TBC1D32: variants seen among roughly 807,000 people sequenced by gnomAD.
TBC1D32 encodes protein broad-minded.
Under a neutral mutation model 170.3 loss-of-function variants are expected in TBC1D32, and 151 were observed. The ratio of observed to expected loss-of-function variants is 0.89; its 90% CI spans 0.78 to 1.01. TBC1D32 has a LOEUF of 1.01. Ranked by LOEUF, TBC1D32 falls within the 50% of genes least tolerant of loss-of-function variation. The probability of loss-of-function intolerance (pLI) is 0.00; values close to 1 mark genes in which losing one functional copy is unlikely to be tolerated. For missense variants in TBC1D32, 1,464 were observed against 1,457.1 expected (o/e 1.00, Z -0.08); for synonymous variants, 498 against 488.0 (o/e 1.02, Z -0.27).
chr6:121,147,219 A>G (rs755593116), intron 24 of TBC1D32, among the ~76,000 whole-genome samples: 95 of 152,188 alleles, frequency 6.2e-4, no homozygotes, highest in African/African-American at 1.9e-3. Flanking sequence ...TCCAATCCAC[A>G]ATTGTTGGGC....
rs1783626400 is a variant in TBC1D32, at chr6:121,147,580, T to A, written c.2773+12430A>T. Among the ~76,000 whole-genome samples the A allele has an allele frequency of 2.6e-5, 4 of 151,874 alleles. 1 individual carries two copies. In the South Asian group the frequency reaches 8.3e-4, roughly 32 times the overall value. ...TGATGATTAGTGATGGTGAGCATTT[T>A]TAATATTTTTTTATTTTTTTATTTT... On this transcript the variant is annotated intron_variant, in intron 24 of 31. Transcript: ENST00000398212.
chr6:121,182,403 C>A (rs1788648581), intron 22 of TBC1D32, among the ~76,000 whole-genome samples: 2 of 151,826 alleles, frequency 1.3e-5, no homozygotes, highest in Non-Finnish European at 2.9e-5. Flanking sequence ...AACAAATGAA[C>A]AAACTCAGAA....
intron 15 of TBC1D32, among the ~76,000 whole-genome samples, 176 bp downstream of exon 15, chr6:121,278,945 G>A (rs946095685): frequency 2.0e-5 from 3 of 152,130 alleles, no homozygotes; most frequent in East Asian, 3.9e-4. Flanking sequence ...GAAACCCATC[G>A]AGAGTGAACT....
intron 26 of TBC1D32, among the ~76,000 whole-genome samples, chr6:121,125,520 C>G (rs778771864): frequency 2.6e-5 from 4 of 151,870 alleles, no homozygotes; most frequent in Non-Finnish European, 4.4e-5. Context: ...TGTAAGCCAG[C>G]AGGTCTCTGC....
At chr6:121,131,236 T>C (rs1261975253) in intron 25 of TBC1D32, among the ~76,000 whole-genome samples, 2 of 151,906 alleles carry the variant, frequency 1.3e-5, no homozygotes, top group African/African-American at 4.8e-5. Context: ...AAAATTTCCT[T>C]AGGAGTCACT....
intron 26 of TBC1D32, among the ~76,000 whole-genome samples, chr6:121,123,772 A>T (rs1780531018): frequency 6.6e-6 from 1 of 151,898 alleles, no homozygotes; most frequent in African/African-American, 2.4e-5. Context: ...CTTGTTTACT[A>T]GTTATTGTGT....
At chr6:121,302,204 A>T (rs1806594710) in intron 9 of TBC1D32, among the ~76,000 whole-genome samples, 1 of 152,182 alleles carries the variant, frequency 6.6e-6, no homozygotes, top group South Asian at 2.1e-4. Context: ...TTTGCAAAAA[A>T]AATTCACTGG....
rs1249249398 is a variant in TBC1D32 at position 121,241,557 on chromosome 6, C to T, written c.2158-5G>A. ...AAATTTTTTATGCCTGCTGACCTAA[C>T]AGCATAAATAAGGAACAGCAATGAA... On this transcript the variant is annotated splice_region_variant and splice_polypyrimidine_tract_variant and intron_variant, in intron 18 of 31. Transcript: ENST00000398212. The T allele has an allele frequency of 6.2e-7, 1 of 1,612,040 alleles. No individual in the cohort carries two copies. The highest frequency in any genetic ancestry group is 2.2e-5 in the East Asian group (1 of 44,776).
intron 17 of TBC1D32, among the ~76,000 whole-genome samples, chr6:121,252,593 G>A (rs58729190): frequency 0.19 from 28,873 of 152,004 alleles, 5,552 homozygotes; most frequent in African/African-American, 0.5. Context: ...AGGGGAGGGA[G>A]AGCATTAGGA....
chr6:121,292,809 T>G (rs1805066962), intron 11 of TBC1D32, among the ~76,000 whole-genome samples: 1 of 152,300 alleles, frequency 6.6e-6, no homozygotes, highest in Middle Eastern at 3.4e-3. Flanking sequence ...AAAGTTCTAT[T>G]TTTCTTAGTG....
intron 3 of TBC1D32, 88 bp from the exon 4 acceptor site, chr6:121,310,935 C>T: frequency 1.3e-6 from 1 of 773,616 alleles, no homozygotes; most frequent in Non-Finnish European, 2.2e-6. Context: ...ATTCCAAGCA[C>T]AAAACACAAT....
chr6:121,256,824 C>G (rs1468867556), intron 15 of TBC1D32, among the ~76,000 whole-genome samples: 2 of 151,934 alleles, frequency 1.3e-5, no homozygotes, highest in Non-Finnish European at 2.9e-5. Context: ...GGCATGCTAC[C>G]ATGCCTGGCT....
intron 12 of TBC1D32, among the ~76,000 whole-genome samples, chr6:121,288,535 C>G (rs1163589611): frequency 6.6e-6 from 1 of 152,056 alleles, no homozygotes; most frequent in African/African-American, 2.4e-5. Context: ...AAAAAAAGTC[C>G]AGGACCAGAT....
intron 22 of TBC1D32, among the ~76,000 whole-genome samples, chr6:121,173,993 C>T (rs1458123077): frequency 6.6e-6 from 1 of 150,734 alleles, no homozygotes. Flanking sequence ...ACTGTGAACA[C>T]ACAATTTTCT....
Position 121,080,587 on chromosome 6 carries a change from C to T in TBC1D32, c.*184G>A. On this transcript the variant is annotated 3_prime_UTR_variant, in exon 32 of 32. Transcript: ENST00000398212. ...ATTCTATAATAACCTTACAAAACAA[C>T]AAATTTACAAAAATGAATTCACAAA... 1 of 724,458 alleles carries T rather than the reference C, an allele frequency of 1.4e-6. No individual in the cohort carries two copies. Among genetic ancestry groups the T allele is most frequent in the Middle Eastern group, 2.6e-4 (1 of 3,808 alleles). The allele number at this position is 724,458 out of a possible 1,614,324, so 44.9% of individuals were successfully genotyped here.
intron 12 of TBC1D32, 106 bp from the exon 13 acceptor site, chr6:121,284,016 A>G: frequency 1.3e-6 from 1 of 754,030 alleles, no homozygotes; most frequent in South Asian, 1.7e-5. Context: ...TTTTGTACAG[A>G]CTACGAGGCA....
At chr6:121,098,747 T>C (rs1777699137) in intron 30 of TBC1D32, among the ~76,000 whole-genome samples, 1 of 151,958 alleles carries the variant, frequency 6.6e-6, no homozygotes, top group Non-Finnish European at 1.5e-5. Context: ...ACAAAGTGTG[T>C]ACAAAGCAGT....
At chr6:121,204,388 C>T (rs1791963789) in intron 22 of TBC1D32, among the ~76,000 whole-genome samples, 1 of 150,890 alleles carries the variant, frequency 6.6e-6, no homozygotes, top group Non-Finnish European at 1.5e-5. Context: ...TCATTGATCT[C>T]CCTCAAGTCT....
chr6:121,307,965 C>G lies in TBC1D32; in HGVS notation c.690+11G>C. ...AAATTATTTTTAATATTTCTATAAC[C>G]ATTTTCTTACACTAAACACAGGATC... On this transcript the variant is annotated intron_variant, in intron 5 of 31. Transcript: ENST00000398212. 1.2e-6 allele frequency: 2 copies of G among 1,606,178 alleles called. No individual in the cohort carries two copies. The highest frequency in any genetic ancestry group is 8.5e-7 in the Non-Finnish European group (1 of 1,177,498).
Sources: allele counts gnomAD v4.1 joint callset (sites outside exome capture counted in the v4.1 genomes callset), GRCh38; gene constraint gnomAD v4.1.1; transcripts MANE v1.5; gene names NCBI Gene and HGNC (gene_info 2026-07-23, HGNC 2026-07-21).